Variants in SPOCK3 observed in about 807,000 individuals in gnomAD.
SPOCK3 encodes testican-3.
A neutral mutation model predicts 56.6 loss-of-function variants in SPOCK3; 30 were observed. The observed-to-expected ratio is 0.53, with a 90% CI of 0.40 to 0.72. The LOEUF (loss-of-function observed/expected upper bound fraction) is 0.72, where lower values mean the gene tolerates loss of function less well. SPOCK3 is among the 30% of genes least tolerant of loss of function. The pLI is 0.00. For missense variants in SPOCK3, 527 were observed against 530.0 expected, an observed-to-expected ratio of 0.99 and a Z score of 0.06; for synonymous variants, 196 against 183.3, an observed-to-expected ratio of 1.07 and a Z score of -0.56.
intron 3 of SPOCK3, among the ~76,000 whole-genome samples, chr4:167,003,620 C>T (rs1362802905): frequency 6.6e-6 from 1 of 152,174 alleles, no homozygotes; most frequent in Non-Finnish European, 1.5e-5. Context: ...TTAGCGTCTC[C>T]TCTTCTGTTC....
At chr4:166,931,075 A>T (rs889545648) in intron 4 of SPOCK3, among the ~76,000 whole-genome samples, 1 of 152,104 alleles carries the variant, frequency 6.6e-6, no homozygotes, top group Admixed American at 6.6e-5. Context: ...TCCACTTACC[A>T]GGTTCAAGCA....
intron 4 of SPOCK3, among the ~76,000 whole-genome samples, chr4:166,939,043 C>A (rs1241733918): frequency 2.0e-5 from 3 of 151,976 alleles, no homozygotes; most frequent in Admixed American, 1.3e-4. Context: ...GTATTATAAT[C>A]CATGTTTACA....
chr4:167,195,887 T>G (rs1004562551), intron 2 of SPOCK3, among the ~76,000 whole-genome samples: 1 of 152,180 alleles, frequency 6.6e-6, no homozygotes, highest in Non-Finnish European at 1.5e-5. Flanking sequence ...AAAGGTACTT[T>G]TATTTGTGAA....
chr4:167,098,093 C>A (rs556460658), intron 2 of SPOCK3, among the ~76,000 whole-genome samples: 1 of 151,920 alleles, frequency 6.6e-6, no homozygotes, highest in Non-Finnish European at 1.5e-5. Flanking sequence ...TATCTATTAG[C>A]GGCAGGAATG....
At chr4:167,188,664 G>C (rs1237966162) in intron 2 of SPOCK3, among the ~76,000 whole-genome samples, 1 of 145,900 alleles carries the variant, frequency 6.9e-6, no homozygotes, top group Non-Finnish European at 1.5e-5. Context: ...ACAAAAACCA[G>C]TCAAAGCAAC....
At chr4:166,972,696 G>A (rs1745517215) in intron 4 of SPOCK3, among the ~76,000 whole-genome samples, 1 of 151,848 alleles carries the variant, frequency 6.6e-6, no homozygotes, top group Non-Finnish European at 1.5e-5. Context: ...AGCACATGCT[G>A]GTTATTTTTC....
At chr4:167,129,232 A>G (rs985172650) in intron 2 of SPOCK3, among the ~76,000 whole-genome samples, 4 of 152,238 alleles carry the variant, frequency 2.6e-5, no homozygotes, top group African/African-American at 9.6e-5. Flanking sequence ...GATAGGGCTC[A>G]GCAAACTGCA....
chr4:167,106,137 G>A (rs72699649), intron 2 of SPOCK3, among the ~76,000 whole-genome samples: 25,048 of 151,718 alleles, frequency 0.17, 2,523 homozygotes, highest in Admixed American at 0.26. Flanking sequence ...ACCTTTATAG[G>A]TATATACAGA....
intron 2 of SPOCK3, among the ~76,000 whole-genome samples, chr4:167,181,718 A>G (rs1327838544): frequency 6.6e-6 from 1 of 152,182 alleles, no homozygotes; most frequent in Non-Finnish European, 1.5e-5. Context: ...AAATAAACAT[A>G]TGATTCTTAC....
chr4:167,119,968 A>G (rs1761732755), intron 2 of SPOCK3: 1 of 740,466 alleles, frequency 1.4e-6, no homozygotes, highest in African/African-American at 1.8e-5. Flanking sequence ...ACATTTAAAA[A>G]TGGGTAAATC....
chr4:167,063,436 T>C (rs1755800599), intron 2 of SPOCK3, among the ~76,000 whole-genome samples: 1 of 151,874 alleles, frequency 6.6e-6, no homozygotes, highest in Non-Finnish European at 1.5e-5. Flanking sequence ...GGTGAAGCTG[T>C]AACATTTCCA....
Position 166,965,622 on chromosome 4 carries a change from T to C in SPOCK3, c.350+34727A>G, listed in dbSNP as rs185450270. 2.4e-4 allele frequency among the ~76,000 whole-genome samples: 35 copies of C among 145,990 alleles called. No homozygotes were observed. In the East Asian group the frequency reaches 6.3e-3, roughly 26 times the overall value. ...ACATTCACTGGACTTCTCAGATCTA[T>C]AACTTGTCTACTTTATCAAGTCTGA... On this transcript the variant is annotated intron_variant, in intron 4 of 10. Transcript: ENST00000357545.
intron 2 of SPOCK3, among the ~76,000 whole-genome samples, chr4:167,087,205 A>G (rs183229702): frequency 1.3e-5 from 2 of 152,262 alleles, no homozygotes; most frequent in Non-Finnish European, 2.9e-5. Flanking sequence ...AGTTGTTACT[A>G]TAACTTCTTT....
intron 3 of SPOCK3, among the ~76,000 whole-genome samples, chr4:167,031,432 G>A (rs935691771): frequency 2.0e-5 from 3 of 151,658 alleles, no homozygotes; most frequent in Non-Finnish European, 4.4e-5. Context: ...AACAACATAA[G>A]GTGTTAAAAA....
chr4:167,073,573 T>A (rs1400238350), intron 2 of SPOCK3, among the ~76,000 whole-genome samples: 1 of 151,854 alleles, frequency 6.6e-6, no homozygotes, highest in Non-Finnish European at 1.5e-5. Flanking sequence ...ATAACTGAAC[T>A]TTAATTATTT....
intron 6 of SPOCK3, among the ~76,000 whole-genome samples, chr4:166,866,926 C>G (rs1272871385): frequency 6.6e-6 from 1 of 151,938 alleles, no homozygotes; most frequent in Admixed American, 6.6e-5. Context: ...AAACATGATC[C>G]TTAAAACAAA....
chr4:167,005,101 T>A (rs1437989985), intron 3 of SPOCK3, among the ~76,000 whole-genome samples: 1 of 152,164 alleles, frequency 6.6e-6, no homozygotes, highest in East Asian at 1.9e-4. Flanking sequence ...CCAACTCTCT[T>A]ATCTTCTTCC....
At chr4:166,920,640 G>A (rs556824499) in intron 4 of SPOCK3, among the ~76,000 whole-genome samples, 1 of 152,196 alleles carries the variant, frequency 6.6e-6, no homozygotes, top group East Asian at 1.9e-4. Flanking sequence ...TTGGAAAAAT[G>A]TATTCACATT....
intron 2 of SPOCK3, among the ~76,000 whole-genome samples, chr4:167,205,327 A>T (rs1261713576): frequency 6.2e-5 from 3 of 48,074 alleles, no homozygotes; most frequent in Non-Finnish European, 1.0e-4. Context: ...TATATATATA[A>T]TATATATTAT....
Sources: gnomAD v4.1 joint callset for allele counts (sites outside exome capture counted in the v4.1 genomes callset) on GRCh38, gnomAD v4.1.1 for gene constraint, MANE v1.5 for transcripts, NCBI Gene and HGNC (gene_info 2026-07-23, HGNC 2026-07-21) for gene names.